The following GRIN2A variants were observed in gnomAD, a reference collection of about 807,000 sequenced individuals.
The protein encoded by GRIN2A is glutamate ionotropic receptor NMDA type subunit 2A, also known as glutamate receptor ionotropic, NMDA 2A.
In GRIN2A, 22 loss-of-function variants were observed where a neutral mutation model predicts 113.4. The observed-to-expected ratio is 0.19, with a 90% CI of 0.14 to 0.28. The LOEUF (loss-of-function observed/expected upper bound fraction) is 0.28. GRIN2A is among the 10% of genes least tolerant of loss of function. The probability of loss-of-function intolerance (pLI) is 1.00; values close to 1 mark genes in which losing one functional copy is unlikely to be tolerated. For synonymous variants in GRIN2A, 827 were observed against 738.4 expected (o/e 1.12, Z -1.94); for missense variants, 1,502 against 1,887.0 (o/e 0.80, Z 3.78).
At chr16:10,058,796 C>T (rs2047499970) in intron 2 of GRIN2A, among the ~76,000 whole-genome samples, 1 of 152,158 alleles carries the variant, frequency 6.6e-6, no homozygotes, top group South Asian at 2.1e-4. Flanking sequence ...ACATTCCTGA[C>T]AATATGGTTA....
chr16:10,107,274 T>C (rs997548815), intron 2 of GRIN2A, among the ~76,000 whole-genome samples: 2 of 152,082 alleles, frequency 1.3e-5, no homozygotes, highest in Non-Finnish European at 2.9e-5. Flanking sequence ...ACAAGATATA[T>C]CCATGTAGGA....
At chr16:10,153,409 G>T (rs1340137331) in intron 2 of GRIN2A, among the ~76,000 whole-genome samples, 1 of 152,134 alleles carries the variant, frequency 6.6e-6, no homozygotes, top group African/African-American at 2.4e-5. Flanking sequence ...ATATGCTCCT[G>T]CCCAGGTGGA....
intron 2 of GRIN2A, among the ~76,000 whole-genome samples, chr16:10,127,784 G>A (rs1050195912): frequency 3.3e-5 from 5 of 152,286 alleles, no homozygotes; most frequent in Admixed American, 2.6e-4. Context: ...CATACCAAGA[G>A]TATCAAGTTG....
intron 2 of GRIN2A, among the ~76,000 whole-genome samples, chr16:10,085,526 T>G (rs2048070406): frequency 6.6e-6 from 1 of 152,196 alleles, no homozygotes; most frequent in Non-Finnish European, 1.5e-5. Context: ...CCCCGTAAAC[T>G]GACCAGAACC....
intron 2 of GRIN2A, among the ~76,000 whole-genome samples, chr16:9,991,106 A>G (rs1476282470): frequency 6.6e-6 from 1 of 152,200 alleles, no homozygotes. Context: ...TAATTCTAAG[A>G]TGCCGATGTC....
intron 2 of GRIN2A, among the ~76,000 whole-genome samples, chr16:10,095,058 A>G (rs904420876): frequency 2.2e-4 from 33 of 152,060 alleles, no homozygotes; most frequent in African/African-American, 7.7e-4. Flanking sequence ...AGGACTGGTG[A>G]ACTTGTAAGT....
At chr16:10,011,149 C>T (rs148831767) in intron 2 of GRIN2A, among the ~76,000 whole-genome samples, 127 of 152,266 alleles carry the variant, frequency 8.3e-4, no homozygotes, top group African/African-American at 2.7e-3. Flanking sequence ...TGAAATTACA[C>T]GGTAATAGTT....
intron 2 of GRIN2A, among the ~76,000 whole-genome samples, chr16:10,086,241 G>C (rs2048083209): frequency 6.6e-6 from 1 of 152,142 alleles, no homozygotes. Context: ...CCTATCCAGA[G>C]CTTCTGACAA....
intron 12 of GRIN2A, among the ~76,000 whole-genome samples, chr16:9,766,908 C>T (rs1004783057): frequency 6.6e-6 from 1 of 152,144 alleles, no homozygotes; most frequent in Admixed American, 6.5e-5. Flanking sequence ...CCATTCCCAT[C>T]CTTTGGAAAG....
rs915870543 is a variant in GRIN2A at position 10,180,750 on chromosome 16, C to T, written c.-18-321G>A. 6 of 479,522 alleles carry T rather than the reference C, an allele frequency of 1.3e-5. No homozygotes were observed. The highest frequency in any genetic ancestry group is 1.2e-4 in the African/African-American group (6 of 51,156). 29.7% of individuals were successfully genotyped at this position (479,522 alleles called of 1,614,324 possible). ...CCCACCGCATTCCCCAAGTTCGCCG[C>T]GGGCCACAGACCCTAAGCGCCGCGC... On this transcript the variant is annotated intron_variant, in intron 1 of 12. Transcript: ENST00000330684. The surrounding 1 kb of genome is among the most constrained non-coding windows in gnomAD (Gnocchi z 7.0).
intron 11 of GRIN2A, among the ~76,000 whole-genome samples, chr16:9,782,529 C>T (rs1901997340): frequency 6.6e-6 from 1 of 152,184 alleles, no homozygotes; most frequent in Non-Finnish European, 1.5e-5. Flanking sequence ...TTGCACGAGC[C>T]TATGTGACAT....
At chr16:9,771,558 C>G (rs1370532616) in intron 11 of GRIN2A, among the ~76,000 whole-genome samples, 1 of 150,838 alleles carries the variant, frequency 6.6e-6, no homozygotes, top group African/African-American at 2.4e-5. Context: ...TTACTCCCCC[C>G]CACCCCCACC....
At chr16:10,131,106 TGGAAAATAGCGGCAGG>T (rs2049052434) in intron 2 of GRIN2A, among the ~76,000 whole-genome samples, 1 of 152,186 alleles carries the variant, frequency 6.6e-6, no homozygotes, top group Non-Finnish European at 1.5e-5. Context: ...GCTGGCATGA[TGGAAAATAGCGGCAGG>T]GGCTGATCAA....
intron 2 of GRIN2A, among the ~76,000 whole-genome samples, chr16:10,159,038 C>G (rs771655916): frequency 1.3e-5 from 2 of 152,138 alleles, no homozygotes; most frequent in African/African-American, 2.4e-5. Context: ...GTTGTGGAGT[C>G]AGGAGACCTG....
intron 2 of GRIN2A, among the ~76,000 whole-genome samples, chr16:10,176,290 C>T (rs1051870931): frequency 2.2e-4 from 34 of 152,282 alleles, no homozygotes; most frequent in African/African-American, 7.2e-4. Context: ...CAGGTGTGAA[C>T]CACCTCGCTC....
Position 10,058,052 on chromosome 16 carries a change from T to C in GRIN2A, c.415-119501A>G, listed in dbSNP as rs551230613. Among the ~76,000 whole-genome samples, 23 of 152,210 alleles carry C rather than the reference T, an allele frequency of 1.5e-4. No homozygotes were observed. In the South Asian group the frequency reaches 3.1e-3, roughly 21 times the overall value. ...GGTGGATCACTCGAGGTCAGGAGTT[T>C]GAGACAAGCCTGACCAACGTGTTGA... On this transcript the variant is annotated intron_variant, in intron 2 of 12. Coordinates refer to ENST00000330684, the MANE Select transcript of GRIN2A (RefSeq NM_001134407.3).
At chr16:10,011,930 A>T (rs1396571473) in intron 2 of GRIN2A, among the ~76,000 whole-genome samples, 1 of 152,194 alleles carries the variant, frequency 6.6e-6, no homozygotes, top group East Asian at 1.9e-4. Context: ...GCAGACAGAC[A>T]AAAGCTTTTC....
chr16:9,818,237 G>A (rs1013613690), intron 10 of GRIN2A, among the ~76,000 whole-genome samples: 4 of 151,930 alleles, frequency 2.6e-5, no homozygotes, highest in Admixed American at 6.6e-5. Flanking sequence ...AAAGTTGATC[G>A]GATCTTGGTG....
intron 3 of GRIN2A, among the ~76,000 whole-genome samples, chr16:9,917,518 C>G (rs1347123959): frequency 6.6e-6 from 1 of 152,240 alleles, no homozygotes; most frequent in African/African-American, 2.4e-5. Context: ...GCCTACCTCA[C>G]AGCTACTTGG....
Sources: allele counts gnomAD v4.1 joint callset (sites outside exome capture counted in the v4.1 genomes callset), GRCh38; gene constraint gnomAD v4.1.1; non-coding constraint Gnocchi (gnomAD v3.1); transcripts MANE v1.5; gene names NCBI Gene and HGNC (gene_info 2026-07-23, HGNC 2026-07-21).